Variants in LIAS observed in about 807,000 individuals in gnomAD.
LIAS encodes the protein lipoic acid synthetase.
Under a neutral mutation model 49.4 loss-of-function variants are expected in LIAS, and 36 were observed. That is an observed-to-expected ratio of 0.73 (90% CI 0.56 to 0.96). The LOEUF is 0.96. Ranked by LOEUF, LIAS falls within the 40% of genes least tolerant of loss-of-function variation. The probability of loss-of-function intolerance (pLI) is 0.00; values close to 1 mark genes in which losing one functional copy is unlikely to be tolerated. For missense variants in LIAS, 399 were observed against 456.3 expected, an observed-to-expected ratio of 0.87 and a Z score of 1.14; for synonymous variants, 145 against 155.8, an observed-to-expected ratio of 0.93 and a Z score of 0.52.
intron 7 of LIAS, chr4:39,469,197 A>G (rs560599099): frequency 6.6e-6 from 1 of 152,382 alleles, no homozygotes; most frequent in African/African-American, 2.4e-5. Context: ...TCACTAAATC[A>G]TAAACAGTAG....
intron 2 of LIAS, among the ~76,000 whole-genome samples, chr4:39,461,546 A>G (rs577311762): frequency 2.0e-5 from 3 of 152,352 alleles, no homozygotes; most frequent in African/African-American, 7.2e-5. Flanking sequence ...CTCAGTCTAA[A>G]CAAGTAGAGT....
rs1244061554 is a variant in LIAS, at chr4:39,459,168, C to A, written c.45+6C>A. On this transcript the variant is annotated splice_donor_region_variant and intron_variant, in intron 1 of 10. Coordinates refer to ENST00000640888, the MANE Select transcript of LIAS (RefSeq NM_006859.4). Reference sequence around the variant, plus strand: ...CCCGCACCCTGGGGCCCCGGGTGAGCGGCGGGGCGAACGGGTTTGGGCGTG... The same window carrying A: ...CCCGCACCCTGGGGCCCCGGGTGAGAGGCGGGGCGAACGGGTTTGGGCGTG... 1 of 1,611,960 alleles carries A rather than the reference C, an allele frequency of 6.2e-7. No individual in the cohort carries two copies. The highest frequency in any genetic ancestry group is 8.5e-7 in the Non-Finnish European group (1 of 1,179,680).
intron 1 of LIAS, 84 bp downstream of exon 1, chr4:39,459,246 G>A: frequency 2.4e-6 from 3 of 1,246,260 alleles, no homozygotes; most frequent in Non-Finnish European, 3.4e-6. Context: ...ATAAAGGCCA[G>A]TGCATTTACT....
chr4:39,462,305 GT>G lies in LIAS; in HGVS notation c.312+17del. On this transcript the variant is annotated intron_variant, in intron 3 of 10. Transcript: ENST00000640888. ...TCTCCATACAGTAAGTTGTCAAAGT[GT>G]AAACTATCCCTCTTCACCAAAAGCC... The G allele has an allele frequency of 7.7e-7, 1 of 1,298,388 alleles. No individual in the cohort carries two copies. Among genetic ancestry groups the G allele is most frequent in the Non-Finnish European group, 1.1e-6 (1 of 931,720 alleles). The allele number at this position is 1,298,388 out of a possible 1,614,324, so 80.4% of individuals were successfully genotyped here. A position where few individuals can be genotyped will look rare whatever the true frequency, so the allele number is the denominator to read the frequency against.
At chr4:39,460,648 C>G in intron 1 of LIAS, 142 bp from the exon 2 acceptor site, 1 of 590,294 alleles carries the variant, frequency 1.7e-6, no homozygotes, top group East Asian at 2.8e-5. Context: ...ATTCTAATGC[C>G]CTAGAATACT....
In LIAS at chr4:39,465,031, A is replaced by T. The variant is rs1560668094; in HGVS notation, c.394-15A>T. ...ATCTGTCTATTTCATTTAAATTGTA[A>T]CATTTCTATTCTAGTTGATGGGTGA... On this transcript the variant is annotated splice_polypyrimidine_tract_variant and intron_variant, in intron 4 of 10. Coordinates refer to ENST00000640888, the MANE Select transcript of LIAS (RefSeq NM_006859.4). 1 of 1,602,860 alleles carries T rather than the reference A, an allele frequency of 6.2e-7. No homozygotes were observed. The highest frequency in any genetic ancestry group is 8.5e-7 in the Non-Finnish European group (1 of 1,172,034).
intron 10 of LIAS, chr4:39,475,397 G>GTAAA (rs199730149): frequency 2.0e-5 from 3 of 147,028 alleles, no homozygotes; most frequent in Admixed American, 6.9e-5. Context: ...AAATAAATAA[G>GTAAA]TAAATAAATA....
chr4:39,473,061 A>G (rs1745054018), intron 9 of LIAS, 39 bp from the exon 10 acceptor site: 1 of 1,208,860 alleles, frequency 8.3e-7, no homozygotes, highest in East Asian at 2.3e-5. Context: ...ATCAAAGTGG[A>G]ATTCTAAAAT....
In LIAS at chr4:39,477,101, AC is replaced by A; in HGVS notation, c.1106del (p.Thr369LysfsTer23). The A allele has an allele frequency of 6.3e-7, 1 of 1,598,676 alleles. No homozygotes were observed. Among genetic ancestry groups the A allele is most frequent in the Non-Finnish European group, 8.5e-7 (1 of 1,174,646 alleles). ...FLKNLVAKRK[T>X]KDL is the part of the protein sequence containing the mutation. ...GAAAAATCTAGTGGCTAAAAGAAAAACAAAAGACCTCTAAAACTTCAACAAG... is the reference window on the plus strand; with the variant it reads ...GAAAAATCTAGTGGCTAAAAGAAAAAAAAAGACCTCTAAAACTTCAACAAG... On this transcript the variant is annotated frameshift_variant, in exon 11 of 11. Transcript: ENST00000640888. LOFTEE classifies it high-confidence loss of function.
Position 39,473,169 on chromosome 4 carries a change from T to C in LIAS, c.1024T>C (p.Tyr342His). ...AGTAGGAAATGAACTTGGATTTCAT[T>C]ATACTGCAAGTGGCCCTTTGGTGCG... ...EKVGNELGFH[Y>H]TASGPLVRSS... Residue 342 changes from tyrosine to histidine, a missense_variant, in exon 10 of 11, where the codon TAT becomes CAT. This residue lies in a region of LIAS where 234 missense variants were observed against 292.2 expected (regional missense o/e 0.80). Coordinates refer to ENST00000640888, the MANE Select transcript of LIAS (RefSeq NM_006859.4). The C allele has an allele frequency of 2.5e-6, 4 of 1,613,540 alleles. No individual in the cohort carries two copies. Among genetic ancestry groups the C allele is most frequent in the Non-Finnish European group, 3.4e-6 (4 of 1,179,412 alleles).
chr4:39,467,655 G>A lies in LIAS; in HGVS notation c.737+9G>A, dbSNP rs750744754. 182 of 1,533,670 alleles carry A rather than the reference G, an allele frequency of 1.2e-4. No homozygotes were observed. The highest frequency in any genetic ancestry group is 1.5e-4 in the Non-Finnish European group (168 of 1,135,050). ...GTCCCGGAATTACAGAGGTGAATAC[G>A]TGTACAAAGTAATGTTGGGAAGTTA... is the stretch of plus-strand genomic sequence containing the variant. On this transcript the variant is annotated intron_variant, in intron 7 of 10. Transcript: ENST00000640888.
intron 10 of LIAS, chr4:39,475,397 G>A (rs11940979): frequency 0.32 from 47,037 of 146,890 alleles, 8,124 homozygotes; most frequent in South Asian, 0.47. Context: ...AAATAAATAA[G>A]TAAATAAATA....
chr4:39,461,815 C>T (rs1248773017), intron 2 of LIAS, among the ~76,000 whole-genome samples: 1 of 152,208 alleles, frequency 6.6e-6, no homozygotes, highest in Non-Finnish European at 1.5e-5. Flanking sequence ...CTGCCTAAGC[C>T]TCCCAAGTAG....
intron 6 of LIAS, 162 bp from the exon 7 acceptor site, chr4:39,467,356 T>A: frequency 2.0e-6 from 1 of 499,918 alleles, no homozygotes; most frequent in Non-Finnish European, 3.2e-6. Flanking sequence ...TTTTTTTTAA[T>A]AATGGTTCAT....
chr4:39,469,151 C>G (rs1744887219), intron 7 of LIAS: 1 of 152,018 alleles, frequency 6.6e-6, no homozygotes, highest in Admixed American at 6.6e-5. Flanking sequence ...TGTCATAGAG[C>G]CTGAAAGAAG....
At chr4:39,464,645 A>T (rs1744686834) in intron 4 of LIAS, among the ~76,000 whole-genome samples, 1 of 152,112 alleles carries the variant, frequency 6.6e-6, no homozygotes, top group African/African-American at 2.4e-5. Context: ...CTACAGGTAC[A>T]TGCCACTACA....
At chr4:39,469,720 T>A in intron 7 of LIAS, 1 of 264,654 alleles carries the variant, frequency 3.8e-6, no homozygotes, top group Non-Finnish European at 7.2e-6. Flanking sequence ...CTCTTACTTC[T>A]GCTTTTTTTC....
chr4:39,465,363 G>A, intron 6 of LIAS, 21 bp downstream of exon 6: 1 of 1,598,516 alleles, frequency 6.3e-7, no homozygotes, highest in African/African-American at 1.3e-5. Flanking sequence ...TTGCATTTGT[G>A]TAATTTAAGG....
At position 39,468,515 on chromosome 4, in the gene LIAS, A is replaced by ATTTT. The variant is rs1218944677; in HGVS notation, c.737+870_737+871insTTTT. ...AAGGAAAAAAAAAATATATATATAT[A>ATTTT]TATATATTTTTTTATATTATATATA... On this transcript the variant is annotated intron_variant, in intron 7 of 10. Transcript: ENST00000640888. 8.4e-5 allele frequency: 12 copies of ATTTT among 142,834 alleles called. No homozygotes were observed. In the East Asian group the frequency reaches 2.3e-3, roughly 27 times the overall value. The allele number at this position is 142,834 out of a possible 1,614,324, so 8.8% of individuals were successfully genotyped here. A position where few individuals can be genotyped will look rare whatever the true frequency, so the allele number is the denominator to read the frequency against.
Sources: allele counts gnomAD v4.1 joint callset (sites outside exome capture counted in the v4.1 genomes callset), GRCh38; gene constraint gnomAD v4.1.1; regional missense constraint gnomAD v4.1.1; transcripts MANE v1.5; gene names NCBI Gene and HGNC (gene_info 2026-07-23, HGNC 2026-07-21).